SOD2: variants seen among roughly 807,000 people sequenced by gnomAD.
The protein encoded by SOD2 is superoxide dismutase 2, also known as superoxide dismutase [Mn], mitochondrial.
A neutral mutation model predicts 27.0 loss-of-function variants in SOD2; 11 were observed. The observed-to-expected ratio is 0.41, with a 90% CI of 0.26 to 0.67. The LOEUF is 0.67. Ranked by LOEUF, SOD2 falls within the 30% of genes least tolerant of loss-of-function variation. SOD2 has a pLI of 0.34. For missense variants in SOD2, 250 were observed against 274.5 expected (o/e 0.91, Z 0.63); for synonymous variants, 105 against 103.0 (o/e 1.02, Z -0.12).
At chr6:159,759,935 C>T (rs1251220021) in intron 1 of SOD2, among the ~76,000 whole-genome samples, 1 of 152,164 alleles carries the variant, frequency 6.6e-6, no homozygotes, top group Non-Finnish European at 1.5e-5. Flanking sequence ...AGGCACTGGC[C>T]ATAAAGAATA....
chr6:159,710,248 C>G (rs1392901292), intron 1 of SOD2, among the ~76,000 whole-genome samples: 2 of 143,202 alleles, frequency 1.4e-5, no homozygotes, highest in African/African-American at 2.6e-5. Context: ...GCACATGTAC[C>G]CTAGAACTTA....
chr6:159,722,472 T>C (rs1014035143), intron 1 of SOD2, among the ~76,000 whole-genome samples: 21 of 152,234 alleles, frequency 1.4e-4, no homozygotes, highest in Admixed American at 7.9e-4. Flanking sequence ...ATTGGTGTAA[T>C]AGACACTACC....
At chr6:159,747,761 T>C (rs999837180), upstream of SOD2, among the ~76,000 whole-genome samples, 1 of 152,210 alleles carries the variant, frequency 6.6e-6, no homozygotes, top group Non-Finnish European at 1.5e-5. Context: ...GCATTTTTAG[T>C]AAATATAATG....
intron 1 of SOD2, among the ~76,000 whole-genome samples, chr6:159,718,635 C>T (rs1777969387): frequency 6.6e-6 from 1 of 152,072 alleles, no homozygotes; most frequent in Admixed American, 6.6e-5. Context: ...TTGCTGCTCA[C>T]AGTAAAATCT....
chr6:159,688,025 A>G, intron 3 of SOD2, 101 bp downstream of exon 3: 1 of 755,942 alleles, frequency 1.3e-6, no homozygotes, highest in Non-Finnish European at 2.3e-6. Flanking sequence ...AAAAACAACA[A>G]CAAAAAAAAC....
intron 1 of SOD2, among the ~76,000 whole-genome samples, chr6:159,720,117 G>A (rs1330330928): frequency 6.7e-6 from 1 of 149,716 alleles, no homozygotes; most frequent in East Asian, 2.0e-4. Flanking sequence ...TGCAACCTCT[G>A]CCTCCCGGGT....
chr6:159,692,956 C>A, intron 1 of SOD2, 93 bp from the exon 2 acceptor site: 1 of 1,360,062 alleles, frequency 7.4e-7, no homozygotes, highest in Non-Finnish European at 9.7e-7. Flanking sequence ...CGGCGTCCCC[C>A]GAGTCCCCGC....
rs1167199596 is a variant in SOD2, at chr6:159,692,769, G to C, written c.118C>G (p.Pro40Ala). 3 of 1,614,068 alleles carry C rather than the reference G, an allele frequency of 1.9e-6. No individual in the cohort carries two copies. The East Asian group carries it at 6.7e-5, about 36-fold the overall frequency. ...TGCATGATCTGCGCGTTGATGTGAG[G>C]TTCCAGGGCGCCGTAGTCGTAGGGC... is the stretch of plus-strand genomic sequence containing the variant. ...DLPYDYGALEPHINAQIMQLH... is the reference protein window; with the variant it reads ...DLPYDYGALEAHINAQIMQLH... The change falls in exon 2 of 5, where the codon CCT becomes GCT. Residue 40 changes from proline to alanine, a missense_variant. Pro to Ala is a conservative substitution (Grantham distance 27, BLOSUM62 -1). Transcript: ENST00000538183.
At chr6:159,702,666 A>T (rs1471474513) in intron 1 of SOD2, among the ~76,000 whole-genome samples, 2 of 147,524 alleles carry the variant, frequency 1.4e-5, no homozygotes, top group East Asian at 3.9e-4. Context: ...AAAAAAAAAA[A>T]AAAAAAAAAA....
chr6:159,742,142 T>C, intron 1 of SOD2: 2 of 1,604,550 alleles, frequency 1.2e-6, no homozygotes, highest in Non-Finnish European at 1.7e-6. Context: ...ACACAGATCT[T>C]AACTGTAAGT....
chr6:159,713,532 G>GGT, intron 1 of SOD2: 1 of 706,636 alleles, frequency 1.4e-6, no homozygotes, highest in Middle Eastern at 2.5e-4. Context: ...ACTGCACAAA[G>GGT]GCTTCCCCTG....
In SOD2 at chr6:159,672,212, A is replaced by C. The variant is rs558739251; in HGVS notation, c.*10281T>G. 2.6e-5 allele frequency: 4 copies of C among 152,186 alleles called. No homozygotes were observed. Among genetic ancestry groups the C allele is most frequent in the African/African-American group, 7.2e-5 (3 of 41,456 alleles). 9.4% of individuals were successfully genotyped at this position (152,186 alleles called of 1,614,324 possible). ...AACTTCCCCAATCTAGCAAGGGAGG[A>C]CAACATTCAAATTCAGGAAATACAG... On this transcript the variant is annotated 3_prime_UTR_variant, in exon 5 of 5. Coordinates refer to ENST00000538183, the MANE Select transcript of SOD2 (RefSeq NM_000636.4).
intron 1 of SOD2, among the ~76,000 whole-genome samples, chr6:159,705,526 T>G (rs1421310541): frequency 6.6e-6 from 1 of 151,996 alleles, no homozygotes; most frequent in Non-Finnish European, 1.5e-5. Flanking sequence ...TATCAGTGAT[T>G]GAAGATCAAA....
At chr6:159,742,605 C>T (rs931425616) in intron 1 of SOD2, among the ~76,000 whole-genome samples, 1 of 152,038 alleles carries the variant, frequency 6.6e-6, no homozygotes, top group African/African-American at 2.4e-5. Flanking sequence ...TAACGTTTAT[C>T]ATTTTAAGCC....
At chr6:159,748,922 A>C, upstream of SOD2, 1 of 1,154,552 alleles carries the variant, frequency 8.7e-7, no homozygotes. The surrounding 1 kb of genome is among the most constrained non-coding windows in gnomAD (Gnocchi z 5.6). Flanking sequence ...TTCTGGGTCA[A>C]AACTCAAATG....
chr6:159,724,910 G>GGGAGGGAGGGAA (rs1778113071), intron 1 of SOD2, among the ~76,000 whole-genome samples: 3 of 148,274 alleles, frequency 2.0e-5, no homozygotes, highest in Non-Finnish European at 4.5e-5. Context: ...GGGGAAGAGA[G>GGGAGGGAGGGAA]GGAGGGAGGG....
chr6:159,688,389 G>T, intron 2 of SOD2, 147 bp from the exon 3 acceptor site: 1 of 581,578 alleles, frequency 1.7e-6, no homozygotes, highest in Non-Finnish European at 3.1e-6. Context: ...GCACCCCCCC[G>T]CCCCAAAATT....
intron 1 of SOD2, chr6:159,713,818 A>G (rs1777875555): frequency 1.9e-6 from 2 of 1,078,912 alleles, no homozygotes; most frequent in Non-Finnish European, 1.4e-6. Flanking sequence ...CAAGTTCAAC[A>G]AATGCTTCAC....
At chr6:159,727,154 C>A in exon 1 of SOD2, 1 of 1,194,432 alleles carries the variant, frequency 8.4e-7, no homozygotes, top group East Asian at 6.1e-5. Context: ...CCGGGGCCCG[C>A]GGAGCTCGCG....
Sources: allele counts gnomAD v4.1 joint callset (sites outside exome capture counted in the v4.1 genomes callset), GRCh38; gene constraint gnomAD v4.1.1; non-coding constraint Gnocchi (gnomAD v3.1); transcripts MANE v1.5; gene names NCBI Gene and HGNC (gene_info 2026-07-23, HGNC 2026-07-21).